The following ADCY5 variants were observed in gnomAD, a reference collection of about 807,000 sequenced individuals.
ADCY5 encodes adenylate cyclase type 5.
Under a neutral mutation model 119.7 loss-of-function variants are expected in ADCY5, and 30 were observed. That is an observed-to-expected ratio of 0.25 (90% CI 0.19 to 0.34). The LOEUF is 0.34. Among genes scored for constraint, ADCY5 ranks in the 10% least tolerant of loss-of-function variants. The pLI is 1.00. For synonymous variants in ADCY5, 753 were observed against 762.2 expected, an observed-to-expected ratio of 0.99 and a Z score of 0.20; for missense variants, 1,324 against 1,775.2, an observed-to-expected ratio of 0.75 and a Z score of 4.57.
intron 17 of ADCY5, 62 bp downstream of exon 17, chr3:123,296,022 G>A (rs1939478062): frequency 5.6e-6 from 9 of 1,595,624 alleles, no homozygotes; most frequent in South Asian, 3.4e-5. Flanking sequence ...AGACGAGCCT[G>A]TTGTCTCCGC....
chr3:123,286,812 G>T lies in ADCY5; in HGVS notation c.3533-3C>A, dbSNP rs1938802716. The T allele has an allele frequency of 1.3e-6, 2 of 1,595,126 alleles. No individual in the cohort carries two copies. The highest frequency in any genetic ancestry group is 1.7e-6 in the Non-Finnish European group (2 of 1,172,132). On this transcript the variant is annotated splice_polypyrimidine_tract_variant and splice_region_variant and intron_variant, in intron 19 of 20. Transcript: ENST00000462833. This position sits in a 1 kb window ranked among gnomAD's most constrained non-coding sequence, Gnocchi z 4.2. ...CACCACGGGGCCGATGTTGAGCCCT[G>T]CAGGGGACAGGAATCAGCCACAGTC...
chr3:123,417,121 G>A (rs116092255), intron 1 of ADCY5, among the ~76,000 whole-genome samples: 7 of 151,952 alleles, frequency 4.6e-5, no homozygotes, highest in Admixed American at 3.3e-4. Flanking sequence ...TCCTTCCCCC[G>A]AGAGAGCTGA....
chr3:123,317,779 A>G (rs1199548011), intron 11 of ADCY5, among the ~76,000 whole-genome samples: 1 of 149,306 alleles, frequency 6.7e-6, no homozygotes, highest in Non-Finnish European at 1.5e-5. Context: ...AGCATCTTTC[A>G]TGCAGCTGTG....
At position 123,421,123 on chromosome 3, in the gene ADCY5, A is replaced by G. The variant is rs187643841; in HGVS notation, c.1134+26289T>C. On this transcript the variant is annotated intron_variant, in intron 1 of 20. Coordinates refer to ENST00000462833, the MANE Select transcript of ADCY5 (RefSeq NM_183357.3). ...CATAGGTACTGTGGGTTGGGATTTC[A>G]ATATCCTTTTTGGGAGACAGTTTAA... 2.1e-3 allele frequency among the ~76,000 whole-genome samples: 316 copies of G among 152,342 alleles called. 3 individuals carry two copies. The highest frequency in any genetic ancestry group is 6.3e-3 in the African/African-American group (264 of 41,582).
chr3:123,419,017 C>G, intron 1 of ADCY5: 1 of 471,722 alleles, frequency 2.1e-6, no homozygotes, highest in Non-Finnish European at 2.8e-6. Flanking sequence ...GGTCCTCCAG[C>G]TTACAGACAA....
At chr3:123,367,448 A>G (rs980932439) in intron 1 of ADCY5, among the ~76,000 whole-genome samples, 1 of 152,062 alleles carries the variant, frequency 6.6e-6, no homozygotes, top group Non-Finnish European at 1.5e-5. Flanking sequence ...GTGGGCTAGA[A>G]ATTTATTTAT....
rs1938460616 is a variant in ADCY5 at position 123,282,829 on chromosome 3, T to C, written c.*1779A>G. 1.3e-5 allele frequency: 2 copies of C among 152,254 alleles called. No individual in the cohort carries two copies. Among genetic ancestry groups the C allele is most frequent in the South Asian group, 4.2e-4 (2 of 4,812 alleles). The allele number at this position is 152,254 out of a possible 1,614,324, so 9.4% of individuals were successfully genotyped here. ...GGTACAGGTGGACATCAAAGTCACA[T>C]TGTGGCAGCTGGCACAGAGCCACTG... is the stretch of plus-strand genomic sequence containing the variant. On this transcript the variant is annotated 3_prime_UTR_variant, in exon 21 of 21. Coordinates refer to ENST00000462833, the MANE Select transcript of ADCY5 (RefSeq NM_183357.3).
intron 12 of ADCY5, among the ~76,000 whole-genome samples, chr3:123,308,732 G>C (rs1287922042): frequency 1.3e-5 from 2 of 152,202 alleles, no homozygotes; most frequent in South Asian, 4.1e-4. Flanking sequence ...GGGAGGCTGA[G>C]GTAGGAGAAT....
In ADCY5 at chr3:123,351,417, C is replaced by G. The variant is rs150298244; in HGVS notation, c.1284+1015G>C. ...GCCATTTCTCCGTGTCCCCCACACT[C>G]AAAGGCAGACCTTCCATGTTCATAT... On this transcript the variant is annotated intron_variant, in intron 2 of 20. Coordinates refer to ENST00000462833, the MANE Select transcript of ADCY5 (RefSeq NM_183357.3). 4.4e-3 allele frequency among the ~76,000 whole-genome samples: 674 copies of G among 152,342 alleles called. 1 individual carries two copies. Among genetic ancestry groups the G allele is most frequent in the Non-Finnish European group, 7.5e-3 (509 of 68,026 alleles).
intron 3 of ADCY5, among the ~76,000 whole-genome samples, chr3:123,346,607 T>TCTCTCTCTCTCTCTCTCTC (rs1316376575): frequency 2.3e-5 from 3 of 128,178 alleles, no homozygotes; most frequent in Non-Finnish European, 3.6e-5. Context: ...CAGCCTCACC[T>TCTCTCTCTCTCTCTCTCTC]TCTCTCTCTC....
At chr3:123,303,838 A>AAGAGAAGAGAAGAGAAGAG in intron 13 of ADCY5, among the ~76,000 whole-genome samples, 1 of 99,456 alleles carries the variant, frequency 1.0e-5, no homozygotes, top group South Asian at 3.4e-4. Context: ...ACTGGAAAGA[A>AAGAGAAGAGAAGAGAAGAG]AAGAGAAGAG....
chr3:123,314,979 C>T (rs1940832246), intron 11 of ADCY5, among the ~76,000 whole-genome samples: 2 of 152,182 alleles, frequency 1.3e-5, no homozygotes, highest in South Asian at 2.1e-4. Flanking sequence ...TCCCTCTGCC[C>T]CTCCTTCAGG....
At chr3:123,379,744 A>C (rs974532499) in intron 1 of ADCY5, among the ~76,000 whole-genome samples, 4 of 152,056 alleles carry the variant, frequency 2.6e-5, no homozygotes, top group African/African-American at 9.7e-5. Context: ...GAAGTTGAGA[A>C]ATCCAACTGG....
Position 123,286,635 on chromosome 3 carries a change from GAC to G in ADCY5, c.3657+48_3657+49del. 1.3e-6 allele frequency: 2 copies of G among 1,540,390 alleles called. No homozygotes were observed. Among genetic ancestry groups the G allele is most frequent in the South Asian group, 1.3e-5 (1 of 79,932 alleles). ...CTGCCCTGAAGACCTCTCGGTGTCA[GAC>G]ACAGGACCTCCCATGGGGTGAGGGG... On this transcript the variant is annotated intron_variant, in intron 20 of 20. Transcript: ENST00000462833. The surrounding 1 kb of genome is among the most constrained non-coding windows in gnomAD (Gnocchi z 4.2).
chr3:123,344,678 G>A (rs1942447708), intron 3 of ADCY5, among the ~76,000 whole-genome samples: 1 of 152,048 alleles, frequency 6.6e-6, no homozygotes, highest in African/African-American at 2.4e-5. Context: ...AGCCCCAAGG[G>A]GTGTTTTTAA....
intron 1 of ADCY5, among the ~76,000 whole-genome samples, chr3:123,382,242 A>C (rs934254396): frequency 1.3e-5 from 2 of 152,238 alleles, no homozygotes; most frequent in African/African-American, 4.8e-5. Flanking sequence ...ATAAAGGACA[A>C]CACTTCATCC....
At chr3:123,341,197 A>G (rs1942266223) in intron 3 of ADCY5, among the ~76,000 whole-genome samples, 1 of 152,202 alleles carries the variant, frequency 6.6e-6, no homozygotes, top group Non-Finnish European at 1.5e-5. Context: ...ACTATTCACA[A>G]TAGCCAAAAA....
chr3:123,371,810 G>C (rs1454402277), intron 1 of ADCY5, among the ~76,000 whole-genome samples: 2 of 152,240 alleles, frequency 1.3e-5, no homozygotes, highest in East Asian at 1.9e-4. Context: ...TATCTACACA[G>C]TGAAGGGCAG....
chr3:123,291,451 C>G lies in ADCY5; in HGVS notation c.3064-75G>C, dbSNP rs1281821599. ...GTCGGCCCCTCCACCTCCTCCTCTC[C>G]GTGGCCTGGAGAAAAAGCACCAGTC... On this transcript the variant is annotated intron_variant, in intron 17 of 20. Coordinates refer to ENST00000462833, the MANE Select transcript of ADCY5 (RefSeq NM_183357.3). The G allele has an allele frequency of 2.6e-6, 4 of 1,530,912 alleles. No homozygotes were observed. The East Asian group carries it at 9.1e-5, about 35-fold the overall frequency. The allele number at this position is 1,530,912 out of a possible 1,614,324, so 94.8% of individuals were successfully genotyped here.
Sources: allele counts gnomAD v4.1 joint callset (sites outside exome capture counted in the v4.1 genomes callset), GRCh38; gene constraint gnomAD v4.1.1; non-coding constraint Gnocchi (gnomAD v3.1); transcripts MANE v1.5; gene names NCBI Gene and HGNC (gene_info 2026-07-23, HGNC 2026-07-21).